Variants in GATB observed in about 807,000 individuals in gnomAD.
The protein encoded by GATB is glutamyl-tRNA amidotransferase subunit B, also known as glutamyl-tRNA(Gln) amidotransferase subunit B, mitochondrial.
GATB carries 39 observed loss-of-function variants against 62.3 expected under a neutral mutation model. That is an observed-to-expected ratio of 0.63 (90% CI 0.48 to 0.82). GATB has a LOEUF of 0.82. GATB is among the 40% of genes least tolerant of loss of function. The probability of loss-of-function intolerance (pLI) is 0.00; values close to 1 mark genes in which losing one functional copy is unlikely to be tolerated. For synonymous variants in GATB, 276 were observed against 258.9 expected (o/e 1.07, Z -0.63); for missense variants, 670 against 684.0 (o/e 0.98, Z 0.23).
At chr4:151,679,085 G>A (rs1000047906) in intron 11 of GATB, among the ~76,000 whole-genome samples, 21 of 152,072 alleles carry the variant, frequency 1.4e-4, no homozygotes, top group Admixed American at 2.6e-4. Context: ...TAGTAGAGAC[G>A]GGGTTTTGCC....
intron 4 of GATB, 46 bp downstream of exon 4, chr4:151,716,830 A>C: frequency 6.3e-7 from 1 of 1,578,014 alleles, no homozygotes; most frequent in Non-Finnish European, 8.7e-7. Flanking sequence ...CTGCTATCCA[A>C]GAACTGAAGT....
intron 5 of GATB, among the ~76,000 whole-genome samples, chr4:151,713,317 C>T (rs947801945): frequency 3.3e-5 from 5 of 152,164 alleles, no homozygotes; most frequent in African/African-American, 7.2e-5. Flanking sequence ...GAAACCACCC[C>T]GCCTTCGGCC....
rs1422974641 is a variant in GATB at position 151,689,988 on chromosome 4, TAGC to T, written c.1198-1228_1198-1226del. ...AAATTCAGAGGATATACGTTTTAAG[TAGC>T]AGATTTCCTTTACCCATGGAAATTC... On this transcript the variant is annotated intron_variant, in intron 9 of 12. Transcript: ENST00000263985. Among the ~76,000 whole-genome samples the T allele has an allele frequency of 2.0e-5, 3 of 152,320 alleles. No homozygotes were observed. In the East Asian group the frequency reaches 5.8e-4, roughly 29 times the overall value.
chr4:151,736,347 C>T (rs553542266), intron 2 of GATB, among the ~76,000 whole-genome samples: 1 of 152,156 alleles, frequency 6.6e-6, no homozygotes, highest in East Asian at 1.9e-4. Flanking sequence ...ATAATTTTCC[C>T]CAATTATATA....
At chr4:151,744,675 G>T (rs549477292) in intron 2 of GATB, among the ~76,000 whole-genome samples, 6 of 152,268 alleles carry the variant, frequency 3.9e-5, no homozygotes, top group Non-Finnish European at 8.8e-5. Flanking sequence ...TGGTAGAGAG[G>T]TAGGGAAGTG....
chr4:151,738,201 G>T (rs1483658683), intron 2 of GATB, among the ~76,000 whole-genome samples: 5 of 152,196 alleles, frequency 3.3e-5, no homozygotes, highest in Non-Finnish European at 5.9e-5. Context: ...GGGTGGAGCT[G>T]CCCAAGACCA....
At chr4:151,677,827 T>G (rs1738040324) in intron 11 of GATB, 1 of 151,930 alleles carries the variant, frequency 6.6e-6, no homozygotes, top group Non-Finnish European at 1.5e-5. Flanking sequence ...ACATAAAATA[T>G]CCAGATAAAA....
At chr4:151,707,460 A>C (rs1169573159) in intron 6 of GATB, among the ~76,000 whole-genome samples, 2 of 152,200 alleles carry the variant, frequency 1.3e-5, no homozygotes, top group East Asian at 3.9e-4. Flanking sequence ...TGCCTGGCTA[A>C]ATTTTTAATT....
At chr4:151,744,282 G>A (rs1739553010) in intron 2 of GATB, among the ~76,000 whole-genome samples, 1 of 152,160 alleles carries the variant, frequency 6.6e-6, no homozygotes, top group African/African-American at 2.4e-5. Context: ...AAGTATATAG[G>A]GAAATATTTA....
At chr4:151,689,188 G>A (rs1163316697) in intron 9 of GATB, among the ~76,000 whole-genome samples, 7 of 152,124 alleles carry the variant, frequency 4.6e-5, no homozygotes, top group Non-Finnish European at 8.8e-5. Flanking sequence ...CCCAGTAATT[G>A]CTAGAAAAGA....
At chr4:151,675,993 C>T (rs1233105204) in intron 11 of GATB, 2 of 152,228 alleles carry the variant, frequency 1.3e-5, no homozygotes, top group Non-Finnish European at 2.9e-5. Context: ...CCTGGGTTTC[C>T]AAGGTCAGGA....
intron 9 of GATB, among the ~76,000 whole-genome samples, chr4:151,694,268 G>A (rs530820716): frequency 2.0e-5 from 3 of 152,268 alleles, no homozygotes; most frequent in Non-Finnish European, 4.4e-5. Context: ...GGGATAGGTT[G>A]GGGACAGAAT....
At chr4:151,717,762 C>T (rs1178530604) in intron 3 of GATB, among the ~76,000 whole-genome samples, 1 of 152,170 alleles carries the variant, frequency 6.6e-6, no homozygotes, top group Non-Finnish European at 1.5e-5. Flanking sequence ...ACAGAGGCAC[C>T]AATACGCACT....
chr4:151,719,407 A>T lies in GATB; in HGVS notation c.441+18T>A, dbSNP rs1488420680. 1 of 1,568,642 alleles carries T rather than the reference A, an allele frequency of 6.4e-7. No individual in the cohort carries two copies. The highest frequency in any genetic ancestry group is 8.8e-7 in the Non-Finnish European group (1 of 1,140,134). On this transcript the variant is annotated intron_variant, in intron 3 of 12. Transcript: ENST00000263985. ...GCTCTGAGAACTTGCAGTGGGGTGG[A>T]TCACAAAGTGTACTTACAGGGAGGT...
At chr4:151,674,783 C>T (rs1299798745) in intron 11 of GATB, 1 of 152,206 alleles carries the variant, frequency 6.6e-6, no homozygotes, top group Non-Finnish European at 1.5e-5. Flanking sequence ...CACAGACTCC[C>T]AAAAAAGCTC....
chr4:151,760,707 A>G, intron 1 of GATB, 100 bp downstream of exon 1: 3 of 1,150,644 alleles, frequency 2.6e-6, no homozygotes, highest in Non-Finnish European at 3.6e-6. Flanking sequence ...CCCTCCCGTC[A>G]GCCAAAACGT....
rs530019468 is a variant in GATB at position 151,726,464 on chromosome 4, A to C, written c.328-6926T>G. ...TTTACCATCCAAAGGTACTCCTTTT[A>C]TGCAGGTATTAAGTATTTATATTAA... On this transcript the variant is annotated intron_variant, in intron 2 of 12. Coordinates refer to ENST00000263985, the MANE Select transcript of GATB (RefSeq NM_004564.3). 1.0e-3 allele frequency among the ~76,000 whole-genome samples: 157 copies of C among 152,366 alleles called. 1 individual carries two copies. Among genetic ancestry groups the C allele is most frequent in the African/African-American group, 3.6e-3 (151 of 41,592 alleles).
In GATB at chr4:151,672,789, G is replaced by A; in HGVS notation, c.1518C>T (p.His506=). Residue 506 remains histidine (H), a synonymous_variant, in exon 12 of 13, where the codon CAC becomes CAT. Transcript: ENST00000263985. ...QDQGALEQLC[H]SVMEAHPQVV... ...CTTGAGGATGGGCCTCCATCACAGA[G>A]TGGCAGAGCTGCTCCAGTGCCCCCT... The A allele has an allele frequency of 6.2e-7, 1 of 1,614,202 alleles. No homozygotes were observed.
At chr4:151,736,101 A>C (rs1236996378) in intron 2 of GATB, among the ~76,000 whole-genome samples, 1 of 152,206 alleles carries the variant, frequency 6.6e-6, no homozygotes, top group Non-Finnish European at 1.5e-5. Flanking sequence ...TCAGCTCTAG[A>C]AAGAAAACAT....
Sources: gnomAD v4.1 joint callset for allele counts (sites outside exome capture counted in the v4.1 genomes callset) on GRCh38, gnomAD v4.1.1 for gene constraint, MANE v1.5 for transcripts, NCBI Gene and HGNC (gene_info 2026-07-23, HGNC 2026-07-21) for gene names.